The following ZNF451 variants were observed in gnomAD, a reference collection of about 807,000 sequenced individuals.
ZNF451 encodes the protein E3 SUMO-protein ligase ZNF451.
A neutral mutation model predicts 107.1 loss-of-function variants in ZNF451; 80 were observed. The ratio of observed to expected loss-of-function variants is 0.75; its 90% CI spans 0.62 to 0.90. The LOEUF (loss-of-function observed/expected upper bound fraction) is 0.90, where lower values mean the gene tolerates loss of function less well. Among genes scored for constraint, ZNF451 ranks in the 40% least tolerant of loss-of-function variants. The pLI is 0.00. For missense variants in ZNF451, 1,107 were observed against 1,236.2 expected, an observed-to-expected ratio of 0.90 and a Z score of 1.57; for synonymous variants, 362 against 406.5, an observed-to-expected ratio of 0.89 and a Z score of 1.32.
At chr6:57,153,810 T>G in intron 12 of ZNF451, 51 bp from the exon 13 acceptor site, 5 of 1,585,112 alleles carry the variant, frequency 3.2e-6, no homozygotes, top group Non-Finnish European at 4.3e-6. Flanking sequence ...GTAACTTGTT[T>G]TGAAACTCAT....
In ZNF451 at chr6:57,106,395, C is replaced by T. The variant is rs147150146; in HGVS notation, c.186+7254C>T. On this transcript the variant is annotated intron_variant, in intron 3 of 14. Coordinates refer to ENST00000370706, the MANE Select transcript of ZNF451 (RefSeq NM_001031623.3). ...CACGATCTTGGCTGACTGCAACCGC[C>T]ACCTCCCGGGTTCAAGCAATTCTGT... is the stretch of plus-strand genomic sequence containing the variant. 738 of 777,870 alleles carry T rather than the reference C, an allele frequency of 9.5e-4. 23 individuals are homozygous for T. In the East Asian group the frequency reaches 0.068, roughly 72 times the overall value. 48.2% of individuals were successfully genotyped at this position (777,870 alleles called of 1,614,324 possible). A position where few individuals can be genotyped will look rare whatever the true frequency, so the allele number is the denominator to read the frequency against.
chr6:57,128,902 C>T lies in ZNF451; in HGVS notation c.424+62C>T, dbSNP rs927703133. 2.4e-5 allele frequency: 30 copies of T among 1,238,662 alleles called. No homozygotes were observed. The Admixed American group carries it at 3.1e-4, about 13-fold the overall frequency. 76.7% of individuals were successfully genotyped at this position (1,238,662 alleles called of 1,614,324 possible). A position where few individuals can be genotyped will look rare whatever the true frequency, so the allele number is the denominator to read the frequency against. Reference sequence around the variant, plus strand: ...CCCCAAAGCCTTAAGGCAGAAAGTACGTCTGTTTTATGCTATTGCTAATAA... The same window carrying T: ...CCCCAAAGCCTTAAGGCAGAAAGTATGTCTGTTTTATGCTATTGCTAATAA... On this transcript the variant is annotated intron_variant, in intron 5 of 14. Coordinates refer to ENST00000370706, the MANE Select transcript of ZNF451 (RefSeq NM_001031623.3).
At chr6:57,153,247 G>A (rs368446801) in intron 12 of ZNF451, among the ~76,000 whole-genome samples, 42 of 152,120 alleles carry the variant, frequency 2.8e-4, no homozygotes, top group East Asian at 5.8e-4. Flanking sequence ...TATATTGAGC[G>A]TATAGCCCTT....
intron 2 of ZNF451, among the ~76,000 whole-genome samples, chr6:57,097,710 A>G (rs1237384428): frequency 6.6e-6 from 1 of 151,830 alleles, no homozygotes; most frequent in African/African-American, 2.4e-5. Context: ...TAGGGGAGCA[A>G]CTCTCAAGTC....
At chr6:57,098,626 A>G (rs1829438611) in intron 2 of ZNF451, among the ~76,000 whole-genome samples, 1 of 152,240 alleles carries the variant, frequency 6.6e-6, no homozygotes, top group African/African-American at 2.4e-5. Flanking sequence ...GAAAGAAAGA[A>G]TGGAAAAGAA....
At chr6:57,105,908 G>T in intron 3 of ZNF451, 1 of 984,596 alleles carries the variant, frequency 1.0e-6, no homozygotes, top group Non-Finnish European at 1.2e-6. Context: ...TTTAAACCGT[G>T]TGGCAGCTTC....
chr6:57,106,699 T>G, intron 3 of ZNF451: 1 of 985,224 alleles, frequency 1.0e-6, no homozygotes, highest in Non-Finnish European at 1.2e-6. Context: ...TCTATCATTC[T>G]GTATTTAATG....
rs539820523 is a variant in ZNF451 at position 57,096,653 on chromosome 6, A to G, written c.106-2408A>G. On this transcript the variant is annotated intron_variant, in intron 2 of 14. Transcript: ENST00000370706. ...TGTGTTCTGCTATTTCTGTGGACCT[A>G]TAATGAAGGTTCCTAATGCATATTT... Among the ~76,000 whole-genome samples the G allele has an allele frequency of 5.7e-4, 87 of 151,330 alleles. 4 individuals carry two copies. In the South Asian group the frequency reaches 0.017, roughly 30 times the overall value.
At chr6:57,106,271 T>G in intron 3 of ZNF451, 3 of 985,260 alleles carry the variant, frequency 3.0e-6, no homozygotes, top group Non-Finnish European at 3.6e-6. Context: ...GGATTAGATC[T>G]TTGTAGAAGT....
At chr6:57,119,891 A>G (rs575237835) in intron 3 of ZNF451, among the ~76,000 whole-genome samples, 1 of 152,090 alleles carries the variant, frequency 6.6e-6, no homozygotes, top group East Asian at 1.9e-4. Context: ...GTGATTTATA[A>G]GTTGTCCACT....
intron 12 of ZNF451, among the ~76,000 whole-genome samples, chr6:57,152,912 A>C (rs1332987059): frequency 1.3e-5 from 2 of 152,136 alleles, no homozygotes; most frequent in African/African-American, 4.8e-5. Context: ...TGTATTTGAT[A>C]TATATTAAGA....
chr6:57,113,458 T>A (rs1294505559), intron 3 of ZNF451, among the ~76,000 whole-genome samples: 1 of 152,118 alleles, frequency 6.6e-6, no homozygotes, highest in South Asian at 2.1e-4. Context: ...CCCTTTGAGT[T>A]AATATTTGCA....
intron 3 of ZNF451, chr6:57,109,815 T>C: frequency 1.5e-6 from 1 of 664,200 alleles, no homozygotes; most frequent in Non-Finnish European, 1.9e-6. Flanking sequence ...TGTATACAAT[T>C]TTTGATAGAT....
chr6:57,166,228 A>G (rs534262402), intron 14 of ZNF451, among the ~76,000 whole-genome samples: 86 of 152,240 alleles, frequency 5.6e-4, no homozygotes, highest in African/African-American at 2.0e-3. Flanking sequence ...GGGTTTCTCC[A>G]TGTTGGCCAG....
At chr6:57,096,190 T>A (rs1164947397) in intron 2 of ZNF451, among the ~76,000 whole-genome samples, 1 of 136,822 alleles carries the variant, frequency 7.3e-6, no homozygotes. Flanking sequence ...TTTTTTTTTT[T>A]TTTTTTTTTT....
At chr6:57,095,094 C>T (rs1257000017) in intron 2 of ZNF451, among the ~76,000 whole-genome samples, 3 of 152,090 alleles carry the variant, frequency 2.0e-5, no homozygotes, top group Admixed American at 6.5e-5. Flanking sequence ...GGAAGTTTTT[C>T]CATATTCACT....
chr6:57,142,732 T>C (rs1028912001), intron 9 of ZNF451, among the ~76,000 whole-genome samples: 2 of 152,216 alleles, frequency 1.3e-5, no homozygotes, highest in African/African-American at 4.8e-5. Flanking sequence ...GAATTGTTGG[T>C]TCAGAAGTAG....
At chr6:57,105,179 T>G (rs1829790753) in intron 3 of ZNF451, 1 of 985,230 alleles carries the variant, frequency 1.0e-6, no homozygotes, top group South Asian at 4.7e-5. Context: ...TAGGCCAACC[T>G]CTAACGTTTA....
intron 3 of ZNF451, chr6:57,104,603 TA>T (rs923595565): frequency 5.0e-5 from 49 of 981,274 alleles, no homozygotes; most frequent in Admixed American, 1.9e-4. Context: ...AAATTGTGGT[TA>T]AAAAAAAAGA....
Sources: gnomAD v4.1 joint callset for allele counts (sites outside exome capture counted in the v4.1 genomes callset) on GRCh38, gnomAD v4.1.1 for gene constraint, MANE v1.5 for transcripts, NCBI Gene and HGNC (gene_info 2026-07-23, HGNC 2026-07-21) for gene names.